The following PREX2 variants were observed in gnomAD, a reference collection of about 807,000 sequenced individuals.
PREX2 encodes phosphatidylinositol 3,4,5-trisphosphate-dependent Rac exchanger 2 protein.
A neutral mutation model predicts 203.2 loss-of-function variants in PREX2; 107 were observed. The observed-to-expected ratio is 0.53, with a 90% CI of 0.45 to 0.62. PREX2 has a LOEUF of 0.62. PREX2 is among the 20% of genes least tolerant of loss of function. The pLI, the probability that PREX2 is intolerant of heterozygous loss-of-function variation, is 0.00. For synonymous variants in PREX2, 672 were observed against 663.6 expected (o/e 1.01, Z -0.19); for missense variants, 1,777 against 1,955.9 (o/e 0.91, Z 1.72).
intron 35 of PREX2, among the ~76,000 whole-genome samples, chr8:68,181,540 T>C (rs866453607): frequency 6.6e-6 from 1 of 152,140 alleles, no homozygotes; most frequent in East Asian, 1.9e-4. Context: ...TTTGTCTTTC[T>C]CAGTCAGCTA....
At chr8:68,118,718 C>A (rs1463712908) in intron 27 of PREX2, 74 bp downstream of exon 27, 4 of 1,047,818 alleles carry the variant, frequency 3.8e-6, no homozygotes, top group Non-Finnish European at 4.5e-6. Flanking sequence ...GTTTTAATTT[C>A]GTAGATCCAT....
At chr8:67,963,549 T>G (rs1805690191) in intron 1 of PREX2, among the ~76,000 whole-genome samples, 1 of 152,180 alleles carries the variant, frequency 6.6e-6, no homozygotes, top group African/African-American at 2.4e-5. Flanking sequence ...TTTTAGTTTA[T>G]TTTTTGTTTT....
Position 68,233,434 on chromosome 8 carries a change from T to C in PREX2, c.*2056T>C, listed in dbSNP as rs1813206895. On this transcript the variant is annotated 3_prime_UTR_variant, in exon 40 of 40. Coordinates refer to ENST00000288368, the MANE Select transcript of PREX2 (RefSeq NM_024870.4). The stretch of plus-strand genomic sequence containing the variant: ...CTAACATATTTTATATTTTTAAGGA[T>C]CTACTTTCTTCATAATAGAATGTGC... 6.6e-6 allele frequency: 1 copy of C among 152,186 alleles called. No individual in the cohort carries two copies. 9.4% of individuals were successfully genotyped at this position (152,186 alleles called of 1,614,324 possible). A position where few individuals can be genotyped will look rare whatever the true frequency, so the allele number is the denominator to read the frequency against.
rs148873587 is a variant in PREX2 at position 67,973,757 on chromosome 8, A to G, written c.141+21222A>G. ...TGTGGTATATCACAGTTTATAAAAC[A>G]TTATCATATTTGGGCCTGATAGTAA... is the stretch of plus-strand genomic sequence containing the variant. On this transcript the variant is annotated intron_variant, in intron 1 of 39. Transcript: ENST00000288368. Among the ~76,000 whole-genome samples, 342 of 152,308 alleles carry G rather than the reference A, an allele frequency of 2.2e-3. 1 individual carries two copies. Among genetic ancestry groups the G allele is most frequent in the Admixed American group, 7.7e-3 (118 of 15,296 alleles).
chr8:68,193,946 C>T (rs1292019692), intron 37 of PREX2, among the ~76,000 whole-genome samples: 1 of 152,160 alleles, frequency 6.6e-6, no homozygotes, highest in Non-Finnish European at 1.5e-5. Flanking sequence ...CTTAAAAGAA[C>T]ATTAATTTTT....
intron 5 of PREX2, among the ~76,000 whole-genome samples, chr8:68,027,591 A>G (rs1279845928): frequency 6.6e-6 from 1 of 152,072 alleles, no homozygotes; most frequent in Non-Finnish European, 1.5e-5. Flanking sequence ...TAGCTTCAAG[A>G]TAGATCCCAT....
intron 14 of PREX2, among the ~76,000 whole-genome samples, chr8:68,076,685 T>TCACACACA (rs57701553): frequency 0.054 from 7,785 of 143,566 alleles, 221 homozygotes; most frequent in Admixed American, 0.07. Context: ...AACTCTAAGG[T>TCACACACA]CACACACACA....
chr8:67,981,246 A>G (rs1369885633), intron 1 of PREX2, among the ~76,000 whole-genome samples: 3 of 152,198 alleles, frequency 2.0e-5, no homozygotes, highest in Non-Finnish European at 4.4e-5. Flanking sequence ...GAAGACCTGG[A>G]TAAAGGAGGG....
At chr8:68,061,959 C>T (rs1283609147) in intron 11 of PREX2, among the ~76,000 whole-genome samples, 1 of 152,074 alleles carries the variant, frequency 6.6e-6, no homozygotes, top group Non-Finnish European at 1.5e-5. Context: ...GAGAAAAAGC[C>T]AGGGAATTAT....
At chr8:67,998,341 G>A (rs781255252) in intron 1 of PREX2, among the ~76,000 whole-genome samples, 1 of 152,216 alleles carries the variant, frequency 6.6e-6, no homozygotes, top group Non-Finnish European at 1.5e-5. Flanking sequence ...CCCCATGGGG[G>A]ACCTTTCTTA....
intron 12 of PREX2, 114 bp downstream of exon 12, chr8:68,069,250 C>CTA (rs1410212089): frequency 6.5e-6 from 4 of 611,396 alleles, no homozygotes; most frequent in Non-Finnish European, 1.1e-5. Context: ...AATTCTTCGA[C>CTA]TATATATACA....
chr8:68,095,563 A>ATG (rs35447297), intron 21 of PREX2, among the ~76,000 whole-genome samples: 92 of 145,694 alleles, frequency 6.3e-4, no homozygotes, highest in East Asian at 1.2e-3. Context: ...GTGTGTATCT[A>ATG]TGTGTGTGTG....
chr8:68,115,927 T>G lies in PREX2; in HGVS notation c.3321T>G (p.Ser1107=). Residue 1107 remains serine (S), a synonymous_variant, in exon 26 of 40, where the codon TCT becomes TCG. Transcript: ENST00000288368. ...ATGACACCATCAGCAACAGAGACTC[T>G]TACAGGTAATTCACTAATTCCTCAA... is the stretch of plus-strand genomic sequence containing the variant. ...SGHDTISNRD[S]YSDCNSNRNS... 1 of 1,596,280 alleles carries G rather than the reference T, an allele frequency of 6.3e-7. No individual in the cohort carries two copies. Among genetic ancestry groups the G allele is most frequent in the Non-Finnish European group, 8.5e-7 (1 of 1,171,348 alleles).
chr8:68,022,051 A>C lies in PREX2; in HGVS notation c.352A>C (p.Ile118Leu). 6.7e-7 allele frequency: 1 copy of C among 1,487,034 alleles called. No homozygotes were observed. Among genetic ancestry groups the C allele is most frequent in the South Asian group, 1.1e-5 (1 of 88,040 alleles). 92.1% of individuals were successfully genotyped at this position (1,487,034 alleles called of 1,614,324 possible). A position where few individuals can be genotyped will look rare whatever the true frequency, so the allele number is the denominator to read the frequency against. ...CFLHFKDKFR[I>L]YDEYCSNHEK... ...GAATTCACAGAAAGACAAGTTTCGT[A>C]TCTATGATGAATATTGTAGTAACCA... Residue 118 changes from isoleucine to leucine, a missense_variant, in exon 4 of 40, where the codon ATC becomes CTC. Coordinates refer to ENST00000288368, the MANE Select transcript of PREX2 (RefSeq NM_024870.4).
intron 35 of PREX2, among the ~76,000 whole-genome samples, chr8:68,182,302 T>C (rs1036839845): frequency 6.6e-6 from 1 of 152,122 alleles, no homozygotes; most frequent in East Asian, 1.9e-4. Context: ...AAAACGGTGC[T>C]ATTGTCATCA....
At chr8:68,039,684 T>C (rs1808136995) in intron 7 of PREX2, among the ~76,000 whole-genome samples, 1 of 152,174 alleles carries the variant, frequency 6.6e-6, no homozygotes, top group African/African-American at 2.4e-5. Flanking sequence ...CAGCTTTCCC[T>C]TTCTATTGTT....
At chr8:67,998,870 C>T (rs35885348) in intron 1 of PREX2, among the ~76,000 whole-genome samples, 14,950 of 152,308 alleles carry the variant, frequency 0.098, 789 homozygotes, top group South Asian at 0.16. Flanking sequence ...ACTGCAGCTA[C>T]TGCTGCAGGT....
At chr8:68,086,564 G>A (rs188127310) in intron 18 of PREX2, among the ~76,000 whole-genome samples, 17 of 152,022 alleles carry the variant, frequency 1.1e-4, no homozygotes, top group Admixed American at 9.8e-4. Flanking sequence ...TTTTGTTCCC[G>A]GCTGCGATAT....
chr8:68,124,323 C>T (rs1028199350), intron 30 of PREX2, among the ~76,000 whole-genome samples: 1 of 151,964 alleles, frequency 6.6e-6, no homozygotes, highest in African/African-American at 2.4e-5. Flanking sequence ...AAAGAATGAG[C>T]TAATGTCCTT....
Sources: allele counts gnomAD v4.1 joint callset (sites outside exome capture counted in the v4.1 genomes callset), GRCh38; gene constraint gnomAD v4.1.1; transcripts MANE v1.5; gene names NCBI Gene and HGNC (gene_info 2026-07-23, HGNC 2026-07-21).